Variants in MATR3 observed in about 807,000 individuals in gnomAD.
The protein encoded by MATR3 is matrin 3, also known as matrin-3.
MATR3 carries 4 observed loss-of-function variants against 85.5 expected under a neutral mutation model. The observed-to-expected ratio is 0.05, with a 90% CI of 0.02 to 0.11. The LOEUF is 0.11. MATR3 is among the 10% of genes least tolerant of loss of function. The probability of loss-of-function intolerance (pLI) is 1.00; values close to 1 mark genes in which losing one functional copy is unlikely to be tolerated. For synonymous variants in MATR3, 336 were observed against 343.1 expected, an observed-to-expected ratio of 0.98 and a Z score of 0.23; for missense variants, 685 against 1,016.1, an observed-to-expected ratio of 0.67 and a Z score of 4.43.
intron 1 of MATR3, among the ~76,000 whole-genome samples, chr5:139,300,562 T>A (rs1335582072): frequency 1.3e-5 from 2 of 152,168 alleles, no homozygotes; most frequent in Non-Finnish European, 2.9e-5. Context: ...AAAAATAGAT[T>A]TTACCTTCTT....
chr5:139,278,294 T>TAG (rs1273911158), intron 2 of MATR3: 1 of 453,862 alleles, frequency 2.2e-6, no homozygotes, highest in Non-Finnish European at 4.4e-6. Flanking sequence ...TTCTGTGTAC[T>TAG]AGATCACTAA....
chr5:139,293,890 G>C, intron 1 of MATR3, 85 bp downstream of exon 1: 1 of 943,504 alleles, frequency 1.1e-6, no homozygotes, highest in Non-Finnish European at 1.4e-6. Context: ...GGCGACAGGG[G>C]CTGCGGGGAG....
intron 1 of MATR3, among the ~76,000 whole-genome samples, chr5:139,298,554 G>A (rs938986140): frequency 1.3e-5 from 2 of 152,202 alleles, no homozygotes; most frequent in Non-Finnish European, 2.9e-5. Flanking sequence ...TGGTGACAGA[G>A]CAAGACTGTC....
chr5:139,307,976 T>G lies in MATR3; in HGVS notation c.561T>G (p.Asp187Glu), dbSNP rs374819399. Residue 187 changes from aspartate to glutamate, a missense_variant, in exon 2 of 15, where the codon GAT (aspartate) becomes GAG (glutamate). Around this residue, in one of 9 missense-constraint regions of MATR3, gnomAD observed 223 missense variants for 334.4 expected, o/e 0.67. Coordinates refer to ENST00000394805, the MANE Select transcript of MATR3 (RefSeq NM_018834.6). The surrounding 1 kb of genome is among the most constrained non-coding windows in gnomAD (Gnocchi z 4.4). ...DWEEKRHFRR[D>E]SFDDRGPSLN... ...AAGAAAAAAGGCACTTTAGAAGAGA[T>G]AGTTTTGATGATCGTGGTCCTAGTC... 4.5e-5 allele frequency: 72 copies of G among 1,614,026 alleles called. No individual in the cohort carries two copies. The highest frequency in any genetic ancestry group is 4.9e-5 in the Non-Finnish European group (58 of 1,180,036).
chr5:139,283,867 A>G lies in MATR3; in HGVS notation c.-178+4738A>G, dbSNP rs564667393. Among the ~76,000 whole-genome samples the G allele has an allele frequency of 1.8e-3, 277 of 152,274 alleles. 2 individuals carry two copies. The highest frequency in any genetic ancestry group is 6.4e-3 in the African/African-American group (264 of 41,558). On this transcript the variant is annotated intron_variant, in intron 3 of 16. Transcript: ENST00000509990. ...GCCTTTTGTCACTACCTGTCTACAC[A>G]TGCTGTTTTTCCCTTCTCATTCCAT... is the stretch of plus-strand genomic sequence containing the variant.
chr5:139,309,689 TTAATTGGTA>T (rs1436574011), intron 2 of MATR3, among the ~76,000 whole-genome samples: 2 of 152,156 alleles, frequency 1.3e-5, no homozygotes, highest in African/African-American at 4.8e-5. Context: ...CCAGCAAATT[TTAATTGGTA>T]TATGTTTTGG....
intron 3 of MATR3, among the ~76,000 whole-genome samples, chr5:139,285,472 G>C (rs1484614808): frequency 6.6e-6 from 1 of 152,056 alleles, no homozygotes; most frequent in Non-Finnish European, 1.5e-5. Context: ...AAGAAACTGT[G>C]GGCCAGAATA....
intron 2 of MATR3, chr5:139,312,058 C>G (rs1490277902): frequency 6.6e-6 from 1 of 151,676 alleles, no homozygotes; most frequent in Non-Finnish European, 1.5e-5. Flanking sequence ...TATGAGCCAC[C>G]ACGCCCAGCC....
At chr5:139,277,270 T>C (rs1427255335) in intron 2 of MATR3, among the ~76,000 whole-genome samples, 2 of 151,888 alleles carry the variant, frequency 1.3e-5, no homozygotes, top group Non-Finnish European at 2.9e-5. Flanking sequence ...CTCAAAGTGC[T>C]GGGGTTACAG....
intron 12 of MATR3, 128 bp from the exon 13 acceptor site, chr5:139,325,312 G>A: frequency 6.4e-7 from 1 of 1,562,770 alleles, no homozygotes; most frequent in Non-Finnish European, 8.7e-7. Flanking sequence ...TTTCCAGGGA[G>A]TATGGAAGGT....
chr5:139,294,035 G>T (rs1561924878), intron 1 of MATR3: 1 of 1,244,172 alleles, frequency 8.0e-7, no homozygotes, highest in South Asian at 2.7e-5. Context: ...GGAGGTGAGC[G>T]GTCCGGGAGG....
chr5:139,323,055 TTA>T, intron 12 of MATR3, 88 bp downstream of exon 12: 2 of 1,270,926 alleles, frequency 1.6e-6, no homozygotes, highest in East Asian at 4.9e-5. Flanking sequence ...TCAGATAGAA[TTA>T]TATGATTTAA....
intron 7 of MATR3, among the ~76,000 whole-genome samples, 188 bp from the exon 8 acceptor site, chr5:139,318,720 C>T (rs1034744034): frequency 7.9e-5 from 12 of 152,328 alleles, no homozygotes; most frequent in African/African-American, 2.6e-4. Flanking sequence ...GTTGGGATTA[C>T]AGGCATGAGA....
intron 3 of MATR3, chr5:139,315,404 T>A (rs1381693547): frequency 2.9e-6 from 1 of 342,922 alleles, no homozygotes; most frequent in Non-Finnish European, 5.4e-6. Context: ...CCCACATTTC[T>A]AATTCTTTGT....
intron 2 of MATR3, chr5:139,278,558 C>T (rs1283472968): frequency 2.8e-6 from 1 of 358,760 alleles, no homozygotes; most frequent in African/African-American, 2.1e-5. Flanking sequence ...GTTTTATTCA[C>T]TGCTAGATCC....
At chr5:139,324,395 G>A (rs978252740) in intron 12 of MATR3, among the ~76,000 whole-genome samples, 1 of 147,104 alleles carries the variant, frequency 6.8e-6, no homozygotes, top group Non-Finnish European at 1.5e-5. Context: ...CCAGGTTCAA[G>A]TTCTGCTGCC....
intron 1 of MATR3, among the ~76,000 whole-genome samples, chr5:139,302,573 T>C (rs1754504952): frequency 6.6e-6 from 1 of 152,204 alleles, no homozygotes; most frequent in Non-Finnish European, 1.5e-5. Flanking sequence ...TGAAACCTGT[T>C]CTTGAATTGA....
upstream of MATR3, among the ~76,000 whole-genome samples, chr5:139,291,814 C>G (rs542044504): frequency 6.6e-6 from 1 of 152,260 alleles, no homozygotes; most frequent in South Asian, 2.1e-4. Context: ...GCTGGGATTA[C>G]AGGCATGAGT....
rs2098119241 is a variant in MATR3, at chr5:139,307,345, G to A, written c.-71G>A. On this transcript the variant is annotated 5_prime_UTR_variant, in exon 2 of 15. Transcript: ENST00000394805. The surrounding 1 kb of genome is among the most constrained non-coding windows in gnomAD (Gnocchi z 4.4). ...AAGTTAACCTAGCTTTCTAGTTTGAGCTTTCTTTTTGGCCGTCTTTAAAAA... is the reference window on the plus strand; with the variant it reads ...AAGTTAACCTAGCTTTCTAGTTTGAACTTTCTTTTTGGCCGTCTTTAAAAA... 6.4e-7 allele frequency: 1 copy of A among 1,556,018 alleles called. No homozygotes were observed. The highest frequency in any genetic ancestry group is 2.0e-5 in the Admixed American group (1 of 49,050).
Sources: allele counts gnomAD v4.1 joint callset (sites outside exome capture counted in the v4.1 genomes callset), GRCh38; gene constraint gnomAD v4.1.1; regional missense constraint gnomAD v4.1.1; non-coding constraint Gnocchi (gnomAD v3.1); transcripts MANE v1.5; gene names NCBI Gene and HGNC (gene_info 2026-07-23, HGNC 2026-07-21).